Variants in KCNH5 observed in about 807,000 individuals in gnomAD.
KCNH5 encodes the protein voltage-gated delayed rectifier potassium channel KCNH5.
A neutral mutation model predicts 96.1 loss-of-function variants in KCNH5; 46 were observed. The observed-to-expected ratio is 0.48, with a 90% CI of 0.38 to 0.61. The LOEUF is 0.61. Ranked by LOEUF, KCNH5 falls within the 20% of genes least tolerant of loss-of-function variation. The pLI is 0.00. For missense variants in KCNH5, 907 were observed against 1,225.8 expected, an observed-to-expected ratio of 0.74 and a Z score of 3.88; for synonymous variants, 439 against 449.8, an observed-to-expected ratio of 0.98 and a Z score of 0.30.
intron 10 of KCNH5, among the ~76,000 whole-genome samples, chr14:62,711,183 A>G (rs903606474): frequency 1.3e-5 from 2 of 152,180 alleles, no homozygotes; most frequent in African/African-American, 2.4e-5. Flanking sequence ...TAAAATATCA[A>G]TAAAATAAAT....
In KCNH5 at chr14:62,804,545, G is replaced by C. The variant is rs533200748; in HGVS notation, c.1570-1964C>G. Among the ~76,000 whole-genome samples, 3 of 152,140 alleles carry C rather than the reference G, an allele frequency of 2.0e-5. No individual in the cohort carries two copies. In the South Asian group the frequency reaches 6.2e-4, roughly 32 times the overall value. ...TGTAAAGGGACAATTGCAATACAAT[G>C]AAAAAAGTGGTATGATGGGAGCATG... On this transcript the variant is annotated intron_variant, in intron 8 of 10. Coordinates refer to ENST00000322893, the MANE Select transcript of KCNH5 (RefSeq NM_139318.5).
intron 7 of KCNH5, among the ~76,000 whole-genome samples, chr14:62,853,460 T>TATATATATATATATC (rs1555360143): frequency 1.1e-5 from 1 of 89,576 alleles, no homozygotes; most frequent in Non-Finnish European, 2.3e-5. Context: ...AATAATCATA[T>TATATATATATATATC]ATATATATAT....
intron 6 of KCNH5, among the ~76,000 whole-genome samples, 165 bp downstream of exon 6, chr14:62,980,706 GA>G (rs1315768572): frequency 6.6e-6 from 1 of 152,170 alleles, no homozygotes; most frequent in Non-Finnish European, 1.5e-5. Context: ...AGAAACAGAT[GA>G]AAACTAATTT....
intron 10 of KCNH5, among the ~76,000 whole-genome samples, chr14:62,725,755 T>A (rs567388219): frequency 3.1e-4 from 47 of 152,344 alleles, no homozygotes; most frequent in African/African-American, 1.0e-3. Context: ...GTATTTGTTA[T>A]AATCCAAATC....
intron 8 of KCNH5, among the ~76,000 whole-genome samples, chr14:62,839,331 CTT>C (rs1887528434): frequency 1.3e-5 from 2 of 152,032 alleles, no homozygotes; most frequent in African/African-American, 4.8e-5. Flanking sequence ...AATATTAACA[CTT>C]ATTCATAATA....
chr14:62,961,762 G>A (rs1469872833), intron 6 of KCNH5, among the ~76,000 whole-genome samples: 1 of 152,142 alleles, frequency 6.6e-6, no homozygotes, highest in Non-Finnish European at 1.5e-5. Context: ...GGATGGAAAT[G>A]GAGATGGGGA....
intron 6 of KCNH5, among the ~76,000 whole-genome samples, chr14:62,951,733 G>T (rs7157114): frequency 0.05 from 7,538 of 152,212 alleles, 640 homozygotes; most frequent in African/African-American, 0.17. Context: ...AGCCGAGGCA[G>T]GTGGATCACC....
intron 10 of KCNH5, among the ~76,000 whole-genome samples, chr14:62,721,685 T>C (rs1049076491): frequency 1.3e-5 from 2 of 152,138 alleles, no homozygotes; most frequent in African/African-American, 4.8e-5. Flanking sequence ...TCTAATTTCA[T>C]TTCCATATCT....
intron 9 of KCNH5, among the ~76,000 whole-genome samples, chr14:62,784,873 A>C (rs983176084): frequency 1.3e-5 from 2 of 152,188 alleles, no homozygotes; most frequent in Non-Finnish European, 2.9e-5. Flanking sequence ...GGAAATAAAA[A>C]GTCTATGATA....
chr14:62,785,511 T>C (rs865858498), intron 9 of KCNH5, among the ~76,000 whole-genome samples: 1 of 152,216 alleles, frequency 6.6e-6, no homozygotes, highest in Non-Finnish European at 1.5e-5. Context: ...GTCTCTGCTA[T>C]AAACATTTTA....
intron 7 of KCNH5, among the ~76,000 whole-genome samples, chr14:62,869,892 A>G (rs1888217234): frequency 6.6e-6 from 1 of 152,222 alleles, no homozygotes; most frequent in African/African-American, 2.4e-5. Context: ...CTGGCTAGCC[A>G]TATGCAGAAA....
intron 4 of KCNH5, among the ~76,000 whole-genome samples, chr14:62,989,027 A>C (rs1260129501): frequency 6.8e-6 from 1 of 146,404 alleles, no homozygotes; most frequent in African/African-American, 2.6e-5. Flanking sequence ...CTACACACAC[A>C]CACATACACA....
intron 1 of KCNH5, among the ~76,000 whole-genome samples, chr14:63,033,366 AG>A (rs1451585164): frequency 6.6e-6 from 1 of 152,162 alleles, no homozygotes; most frequent in Non-Finnish European, 1.5e-5. Context: ...TTTTCTCCTT[AG>A]GAATGTTCAC....
chr14:62,912,948 C>T (rs1238524275), intron 7 of KCNH5, among the ~76,000 whole-genome samples: 2 of 152,132 alleles, frequency 1.3e-5, no homozygotes, highest in African/African-American at 4.8e-5. Flanking sequence ...ATATAAATTG[C>T]TACAGAGAGC....
chr14:62,778,137 C>A (rs941575165), intron 10 of KCNH5, among the ~76,000 whole-genome samples: 2 of 152,080 alleles, frequency 1.3e-5, no homozygotes, highest in Non-Finnish European at 2.9e-5. Context: ...TTTTAAAATG[C>A]ACATTTTAGA....
At chr14:62,763,563 C>T (rs997848359) in intron 10 of KCNH5, among the ~76,000 whole-genome samples, 17 of 151,980 alleles carry the variant, frequency 1.1e-4, no homozygotes, top group African/African-American at 3.6e-4. Context: ...AAAATTGAAA[C>T]GTGAAAAAGC....
intron 10 of KCNH5, among the ~76,000 whole-genome samples, chr14:62,715,483 C>G (rs938511348): frequency 1.3e-5 from 2 of 152,172 alleles, no homozygotes; most frequent in African/African-American, 4.8e-5. Flanking sequence ...ACAACGTGAA[C>G]TAATACAACA....
chr14:63,010,769 G>A (rs1180833070), intron 2 of KCNH5, among the ~76,000 whole-genome samples: 5 of 152,086 alleles, frequency 3.3e-5, no homozygotes, highest in Admixed American at 6.6e-5. Flanking sequence ...AAAATCTCAC[G>A]AACAAGCCTC....
intron 10 of KCNH5, among the ~76,000 whole-genome samples, chr14:62,727,427 A>G (rs998620533): frequency 3.3e-5 from 5 of 152,164 alleles, no homozygotes; most frequent in Non-Finnish European, 7.3e-5. Context: ...AATGCAACAG[A>G]GCAGGGAATA....
Sources: allele counts gnomAD v4.1 joint callset (sites outside exome capture counted in the v4.1 genomes callset), GRCh38; gene constraint gnomAD v4.1.1; transcripts MANE v1.5; gene names NCBI Gene and HGNC (gene_info 2026-07-23, HGNC 2026-07-21).